Variants in ITSN1 observed in about 807,000 individuals in gnomAD.
ITSN1 encodes the protein intersectin 1, also known as intersectin-1.
Under a neutral mutation model 239.8 loss-of-function variants are expected in ITSN1, and 58 were observed. The ratio of observed to expected loss-of-function variants is 0.24; its 90% CI spans 0.20 to 0.30. The LOEUF (loss-of-function observed/expected upper bound fraction) is 0.30. Among genes scored for constraint, ITSN1 ranks in the 10% least tolerant of loss-of-function variants. The pLI is 1.00. For synonymous variants in ITSN1, 780 were observed against 770.8 expected, an observed-to-expected ratio of 1.01 and a Z score of -0.20; for missense variants, 1,558 against 2,103.3, an observed-to-expected ratio of 0.74 and a Z score of 5.07.
intron 1 of ITSN1, among the ~76,000 whole-genome samples, chr21:33,701,124 A>G (rs542524204): frequency 2.6e-4 from 40 of 152,172 alleles, no homozygotes; most frequent in African/African-American, 8.7e-4. Context: ...TTAAGAACCT[A>G]CTGTTGGTAG....
chr21:33,885,605 T>G (rs764886918), intron 38 of ITSN1, 83 bp downstream of exon 38: 7 of 998,130 alleles, frequency 7.0e-6, no homozygotes, highest in Non-Finnish European at 1.1e-5. Context: ...TGGCTCTAGA[T>G]CAAATGTGCT....
intron 1 of ITSN1, among the ~76,000 whole-genome samples, chr21:33,660,999 A>C (rs1005233229): frequency 6.6e-6 from 1 of 152,208 alleles, no homozygotes; most frequent in Non-Finnish European, 1.5e-5. Context: ...ATCACCACCC[A>C]TCTTATTAGA....
At position 33,765,959 on chromosome 21, in the gene ITSN1, T is replaced by G. The variant is rs750462238; in HGVS notation, c.873T>G (p.Ser291=). The change falls in exon 10 of 40, where the codon TCT becomes TCG. Residue 291 remains serine (S), a synonymous_variant. Transcript: ENST00000381318. The part of the protein sequence containing the change: ...LAMHLIDVAM[S]GQPLPPVLPP... The stretch of plus-strand genomic sequence containing the variant: ...TGCACCTCATTGATGTAGCTATGTC[T>G]GGCCAACCACTGCCACCTGTCCTGC... 7 of 1,614,216 alleles carry G rather than the reference T, an allele frequency of 4.3e-6. No individual in the cohort carries two copies. Among genetic ancestry groups the G allele is most frequent in the Non-Finnish European group, 5.9e-6 (7 of 1,180,028 alleles).
At chr21:33,685,011 C>A (rs2146570065) in intron 1 of ITSN1, among the ~76,000 whole-genome samples, 1 of 152,180 alleles carries the variant, frequency 6.6e-6, no homozygotes, top group Admixed American at 6.5e-5. Context: ...GTATCATTAC[C>A]CAGCTACAGT....
intron 37 of ITSN1, 29 bp from the exon 38 acceptor site, chr21:33,885,407 TGAA>T: frequency 1.3e-6 from 2 of 1,590,230 alleles, no homozygotes; most frequent in Non-Finnish European, 1.7e-6. Context: ...CACGTTCAAA[TGAA>T]GCATTTTGTG....
chr21:33,874,068 T>C (rs1983225736), intron 33 of ITSN1, among the ~76,000 whole-genome samples: 2 of 146,026 alleles, frequency 1.4e-5, no homozygotes, highest in South Asian at 2.2e-4. Context: ...GGCAGAAGAA[T>C]TGCTTGAAAC....
chr21:33,874,685 C>T (rs965251773), intron 33 of ITSN1, among the ~76,000 whole-genome samples: 2 of 142,900 alleles, frequency 1.4e-5, no homozygotes, highest in South Asian at 2.1e-4. Context: ...AGCCTCTCTC[C>T]GTTGCTGGGC....
chr21:33,822,380 C>A (rs1245988572), intron 24 of ITSN1, among the ~76,000 whole-genome samples: 1 of 152,162 alleles, frequency 6.6e-6, no homozygotes, highest in Non-Finnish European at 1.5e-5. Context: ...GAGAAACATA[C>A]ATTGTCCATC....
rs1228598077 is a variant in ITSN1, at chr21:33,898,670, GT to G, written c.*10373del. On this transcript the variant is annotated 3_prime_UTR_variant, in exon 40 of 40. Coordinates refer to ENST00000381318, the MANE Select transcript of ITSN1 (RefSeq NM_003024.3). Reference sequence around the variant, plus strand: ...GTTTCTGGTGATCTGAATGCATTGTGTTTGGGGGTGACACCGCTGGTGGAAG... The same window carrying G: ...GTTTCTGGTGATCTGAATGCATTGTGTTGGGGGTGACACCGCTGGTGGAAG... 1.3e-5 allele frequency: 2 copies of G among 152,280 alleles called. No homozygotes were observed. Among genetic ancestry groups the G allele is most frequent in the Non-Finnish European group, 2.9e-5 (2 of 68,070 alleles). The allele number at this position is 152,280 out of a possible 1,614,324, so 9.4% of individuals were successfully genotyped here.
chr21:33,698,756 C>T (rs899330686), intron 1 of ITSN1, among the ~76,000 whole-genome samples: 3 of 152,168 alleles, frequency 2.0e-5, no homozygotes, highest in African/African-American at 7.2e-5. Context: ...TATGTGTAAT[C>T]TTACAGGGCA....
intron 4 of ITSN1, among the ~76,000 whole-genome samples, chr21:33,729,330 G>A (rs1480067804): frequency 6.6e-6 from 1 of 151,886 alleles, no homozygotes; most frequent in Non-Finnish European, 1.5e-5. Context: ...CATGCCTGTA[G>A]TCTCAGCTAC....
At chr21:33,693,900 C>T (rs1476963047) in intron 1 of ITSN1, among the ~76,000 whole-genome samples, 1 of 152,234 alleles carries the variant, frequency 6.6e-6, no homozygotes, top group Non-Finnish European at 1.5e-5. Context: ...AAAATATTTA[C>T]AACACTTTAT....
chr21:33,653,294 C>A (rs1027926512), intron 1 of ITSN1, among the ~76,000 whole-genome samples: 1 of 151,974 alleles, frequency 6.6e-6, no homozygotes, highest in African/African-American at 2.4e-5. Context: ...CGCACCCAGC[C>A]GTGATTGGGA....
chr21:33,783,060 CACAA>C (rs1256349694), intron 16 of ITSN1, among the ~76,000 whole-genome samples: 5 of 151,930 alleles, frequency 3.3e-5, no homozygotes, highest in African/African-American at 4.8e-5. Flanking sequence ...AAAATCAGAA[CACAA>C]ACAGTTTATT....
chr21:33,809,752 G>A (rs1569226084), intron 20 of ITSN1, among the ~76,000 whole-genome samples: 3 of 152,110 alleles, frequency 2.0e-5, no homozygotes, highest in South Asian at 2.1e-4. Flanking sequence ...TAAGATATAA[G>A]GTTTCATAAG....
chr21:33,663,226 CA>C (rs2089690079), intron 1 of ITSN1, among the ~76,000 whole-genome samples: 1 of 152,156 alleles, frequency 6.6e-6, no homozygotes. Flanking sequence ...AATTACTGCT[CA>C]GAAATGAAAT....
chr21:33,856,964 T>A, intron 30 of ITSN1, 107 bp downstream of exon 30: 1 of 1,127,552 alleles, frequency 8.9e-7, no homozygotes, highest in Non-Finnish European at 1.3e-6. Context: ...CAAGAAACTT[T>A]CTGATGTTTG....
intron 14 of ITSN1, among the ~76,000 whole-genome samples, chr21:33,778,114 TG>T (rs1016509073): frequency 3.2e-4 from 48 of 152,350 alleles, no homozygotes; most frequent in African/African-American, 1.2e-3. Flanking sequence ...CTTCCATTCT[TG>T]GGATAAACCA....
intron 29 of ITSN1, among the ~76,000 whole-genome samples, chr21:33,847,269 T>G (rs559161983): frequency 6.6e-6 from 1 of 152,308 alleles, no homozygotes; most frequent in South Asian, 2.1e-4. Flanking sequence ...AAGGGTCATT[T>G]TCAGAGAAGG....
Sources: gnomAD v4.1 joint callset for allele counts (sites outside exome capture counted in the v4.1 genomes callset) on GRCh38, gnomAD v4.1.1 for gene constraint, MANE v1.5 for transcripts, NCBI Gene and HGNC (gene_info 2026-07-23, HGNC 2026-07-21) for gene names.